The following LDLRAD4 variants were observed in gnomAD, a reference collection of about 807,000 sequenced individuals.
LDLRAD4 encodes the protein low-density lipoprotein receptor class A domain-containing protein 4.
Under a neutral mutation model 17.0 loss-of-function variants are expected in LDLRAD4, and 5 were observed. The ratio of observed to expected loss-of-function variants is 0.29; its 90% CI spans 0.15 to 0.62. The LOEUF (loss-of-function observed/expected upper bound fraction) is 0.62. LDLRAD4 is among the 20% of genes least tolerant of loss of function. The pLI, the probability that LDLRAD4 is intolerant of heterozygous loss-of-function variation, is 0.84. For missense variants in LDLRAD4, 340 were observed against 424.7 expected, an observed-to-expected ratio of 0.80 and a Z score of 1.75; for synonymous variants, 168 against 171.8, an observed-to-expected ratio of 0.98 and a Z score of 0.17.
intron 1 of LDLRAD4, among the ~76,000 whole-genome samples, chr18:13,285,876 T>C (rs1252190452): frequency 1.3e-5 from 2 of 152,214 alleles, no homozygotes; most frequent in African/African-American, 4.8e-5. Context: ...TGTGGTAAGA[T>C]ATACATAATG....
At chr18:13,449,746 C>A (rs867618215) in intron 3 of LDLRAD4, among the ~76,000 whole-genome samples, 1 of 152,220 alleles carries the variant, frequency 6.6e-6, no homozygotes, top group African/African-American at 2.4e-5. Flanking sequence ...GAAAAAGGAA[C>A]TTGAGCTACA....
chr18:13,246,398 C>T (rs1383611755), intron 1 of LDLRAD4, among the ~76,000 whole-genome samples: 3 of 152,232 alleles, frequency 2.0e-5, no homozygotes, highest in East Asian at 1.9e-4. Flanking sequence ...GTAACACCGT[C>T]GTGTTACCAC....
intron 1 of LDLRAD4, among the ~76,000 whole-genome samples, chr18:13,298,673 G>A (rs115195432): frequency 0.013 from 1,986 of 152,060 alleles, 47 homozygotes; most frequent in African/African-American, 0.045. Flanking sequence ...AGCTGCTGTG[G>A]GCATGGTGAT....
intron 3 of LDLRAD4, among the ~76,000 whole-genome samples, chr18:13,549,021 G>A (rs1382607439): frequency 6.6e-6 from 1 of 152,222 alleles, no homozygotes; most frequent in Non-Finnish European, 1.5e-5. Context: ...AAAGCAAACA[G>A]CTACTTAGCC....
chr18:13,507,514 A>G (rs1021997378), intron 3 of LDLRAD4, among the ~76,000 whole-genome samples: 1 of 152,244 alleles, frequency 6.6e-6, no homozygotes, highest in Non-Finnish European at 1.5e-5. Context: ...ATGATTGAGT[A>G]GTATTCCATG....
At chr18:13,272,499 A>G (rs550911242) in intron 1 of LDLRAD4, among the ~76,000 whole-genome samples, 17 of 152,376 alleles carry the variant, frequency 1.1e-4, no homozygotes, top group Admixed American at 9.1e-4. Flanking sequence ...ACACTCAAAC[A>G]CAGCGAGACA....
intron 2 of LDLRAD4, among the ~76,000 whole-genome samples, chr18:13,415,866 C>G (rs1487448984): frequency 5.3e-5 from 8 of 152,262 alleles, no homozygotes; most frequent in Non-Finnish European, 4.4e-5. Context: ...CCTTGTACCC[C>G]ACGTGGCTCC....
chr18:13,392,725 T>G (rs916926522), intron 2 of LDLRAD4, among the ~76,000 whole-genome samples: 2 of 152,210 alleles, frequency 1.3e-5, no homozygotes, highest in Non-Finnish European at 2.9e-5. Context: ...ACAATTAATT[T>G]TCTTAGGCTT....
At chr18:13,258,683 G>A (rs1435691312) in intron 1 of LDLRAD4, among the ~76,000 whole-genome samples, 1 of 152,118 alleles carries the variant, frequency 6.6e-6, no homozygotes, top group African/African-American at 2.4e-5. Flanking sequence ...GTACCTTATT[G>A]ATATTTGCCA....
At chr18:13,599,518 TCTCA>T (rs2095135612) in intron 3 of LDLRAD4, among the ~76,000 whole-genome samples, 1 of 136,218 alleles carries the variant, frequency 7.3e-6, no homozygotes, top group Non-Finnish European at 1.5e-5. Flanking sequence ...TGAGACAGAG[TCTCA>T]CTCAGTCACC....
At chr18:13,370,715 T>TTTTTTTTTTTTGTTTG (rs2084417560) in intron 1 of LDLRAD4, among the ~76,000 whole-genome samples, 1 of 121,000 alleles carries the variant, frequency 8.3e-6, no homozygotes, top group African/African-American at 3.5e-5. Context: ...TTTGTTTTGT[T>TTTTTTTTTTTTGTTTG]TTTTTTTTTT....
At chr18:13,281,100 C>T (rs970434235) in intron 1 of LDLRAD4, among the ~76,000 whole-genome samples, 52 of 152,246 alleles carry the variant, frequency 3.4e-4, no homozygotes, top group African/African-American at 1.2e-3. Flanking sequence ...CAGATTAACT[C>T]GTGAAAATGT....
At chr18:13,551,980 G>T (rs1387011306) in intron 3 of LDLRAD4, among the ~76,000 whole-genome samples, 1 of 152,088 alleles carries the variant, frequency 6.6e-6, no homozygotes, top group African/African-American at 2.4e-5. Flanking sequence ...AGGGTGACAG[G>T]GAGGTTCCAG....
rs139628088 is a variant in LDLRAD4 at position 13,632,438 on chromosome 18, T to C, written c.337-10921T>C. 3.3e-5 allele frequency among the ~76,000 whole-genome samples: 5 copies of C among 152,296 alleles called. 1 individual carries two copies. The highest frequency in any genetic ancestry group is 7.3e-5 in the Non-Finnish European group (5 of 68,028). On this transcript the variant is annotated intron_variant, in intron 4 of 5. Transcript: ENST00000359446. ...AGGCAGCTCCAGGTACTGGCACAGGTGCTTGCTCTGTGCAAGGCTGCAGCT... is the reference window on the plus strand; with the variant it reads ...AGGCAGCTCCAGGTACTGGCACAGGCGCTTGCTCTGTGCAAGGCTGCAGCT...
chr18:13,455,627 A>G (rs141706655), intron 3 of LDLRAD4, among the ~76,000 whole-genome samples: 1 of 152,264 alleles, frequency 6.6e-6, no homozygotes, highest in Non-Finnish European at 1.5e-5. Context: ...AGATACAGGC[A>G]GAAGGTGGAG....
intron 3 of LDLRAD4, among the ~76,000 whole-genome samples, chr18:13,508,178 A>T (rs909738904): frequency 6.6e-6 from 1 of 152,214 alleles, no homozygotes. Context: ...CTTCAATTCT[A>T]TGAAGGCTGA....
At chr18:13,480,218 G>A (rs1212581518) in intron 3 of LDLRAD4, among the ~76,000 whole-genome samples, 2 of 152,208 alleles carry the variant, frequency 1.3e-5, no homozygotes, top group African/African-American at 2.4e-5. Context: ...AGACAATGAA[G>A]TATATTCAGC....
chr18:13,272,317 T>C (rs564647293), intron 1 of LDLRAD4, among the ~76,000 whole-genome samples: 6 of 152,342 alleles, frequency 3.9e-5, no homozygotes, highest in South Asian at 2.1e-4. Flanking sequence ...TTGAAGAGAC[T>C]GGACACTTGA....
intron 1 of LDLRAD4, among the ~76,000 whole-genome samples, chr18:13,234,020 A>C (rs1372085297): frequency 6.6e-6 from 1 of 152,128 alleles, no homozygotes; most frequent in African/African-American, 2.4e-5. Flanking sequence ...GGCCCAGTGC[A>C]TGTTTGAAAC....
Sources: allele counts gnomAD v4.1 joint callset (sites outside exome capture counted in the v4.1 genomes callset), GRCh38; gene constraint gnomAD v4.1.1; transcripts MANE v1.5; gene names NCBI Gene and HGNC (gene_info 2026-07-23, HGNC 2026-07-21).